The following PPP2R2B variants were observed in gnomAD, a reference collection of about 807,000 sequenced individuals.
PPP2R2B encodes the protein protein phosphatase 2 regulatory subunit Bbeta, also known as serine/threonine-protein phosphatase 2A 55 kDa regulatory subunit B beta isoform.
In PPP2R2B, 5 loss-of-function variants were observed where a neutral mutation model predicts 46.0. The ratio of observed to expected loss-of-function variants is 0.11; its 90% CI spans 0.06 to 0.23. PPP2R2B has a LOEUF of 0.23. Among genes scored for constraint, PPP2R2B ranks in the 10% least tolerant of loss-of-function variants. The pLI is 1.00. For missense variants in PPP2R2B, 367 were observed against 575.0 expected (o/e 0.64, Z 3.70); for synonymous variants, 215 against 206.7 (o/e 1.04, Z -0.34).
chr5:146,987,277 AAAGACACATGTGCAAC>A (rs1054836073), intron 1 of PPP2R2B, among the ~76,000 whole-genome samples: 7 of 152,166 alleles, frequency 4.6e-5, no homozygotes, highest in South Asian at 2.1e-4. Flanking sequence ...TCTGAAGGAA[AAAGACACATGTGCAAC>A]AAGACACATG....
rs7700545 is a variant in PPP2R2B at position 146,859,806 on chromosome 5, G to A, written c.70+18196C>T. On this transcript the variant is annotated intron_variant, in intron 2 of 9. Coordinates refer to ENST00000394411, the MANE Select transcript of PPP2R2B (RefSeq NM_181675.4). ...TTTGGGTTTCTATTCAAATTTCAAG[G>A]TGCCAAGTCTCTTGCTTGTCTACAT... 1.2e-3 allele frequency among the ~76,000 whole-genome samples: 181 copies of A among 152,216 alleles called. 1 individual carries two copies. Among genetic ancestry groups the A allele is most frequent in the African/African-American group, 4.3e-3 (177 of 41,504 alleles).
intron 2 of PPP2R2B, among the ~76,000 whole-genome samples, chr5:146,709,986 G>A (rs1286841564): frequency 6.6e-6 from 1 of 152,118 alleles, no homozygotes; most frequent in Non-Finnish European, 1.5e-5. Flanking sequence ...CAACATATTT[G>A]CACAAACTCT....
chr5:146,881,438 A>G (rs2151422629), upstream of PPP2R2B, among the ~76,000 whole-genome samples: 1 of 151,808 alleles, frequency 6.6e-6, no homozygotes, highest in Admixed American at 6.6e-5. Context: ...TTTCTGAGCC[A>G]GAGTCTCTCT....
chr5:146,834,728 G>C (rs746704319), intron 2 of PPP2R2B, among the ~76,000 whole-genome samples: 1 of 148,366 alleles, frequency 6.7e-6, no homozygotes, highest in Non-Finnish European at 1.5e-5. Flanking sequence ...CACCCAAGTA[G>C]TGAGGATAGT....
rs191003465 is a variant in PPP2R2B, at chr5:146,769,816, T to C, written c.71-68674A>G. On this transcript the variant is annotated intron_variant, in intron 2 of 9. Coordinates refer to ENST00000394411, the MANE Select transcript of PPP2R2B (RefSeq NM_181675.4). ...GACAAGTGAGATAAAAACAGGTAAA[T>C]ACACAATTATTTTATTCTGATAAGT... 3.6e-3 allele frequency among the ~76,000 whole-genome samples: 544 copies of C among 152,264 alleles called. 8 individuals carry two copies. Among genetic ancestry groups the C allele is most frequent in the African/African-American group, 0.012 (484 of 41,548 alleles).
chr5:147,001,259 C>G (rs987546689), intron 1 of PPP2R2B, among the ~76,000 whole-genome samples: 3 of 152,190 alleles, frequency 2.0e-5, no homozygotes, highest in Non-Finnish European at 2.9e-5. Flanking sequence ...TGTTCTTTCG[C>G]TCTTCACAAT....
chr5:146,711,214 A>G (rs1267122539), intron 2 of PPP2R2B, among the ~76,000 whole-genome samples: 1 of 151,032 alleles, frequency 6.6e-6, no homozygotes, highest in African/African-American at 2.4e-5. Flanking sequence ...CTCTTAGTAT[A>G]TAACAGATGC....
At chr5:146,952,455 G>T (rs1195848608) in intron 1 of PPP2R2B, among the ~76,000 whole-genome samples, 3 of 152,112 alleles carry the variant, frequency 2.0e-5, no homozygotes, top group Non-Finnish European at 4.4e-5. Flanking sequence ...CAAGACTTTG[G>T]GTATTGAGCT....
intron 2 of PPP2R2B, among the ~76,000 whole-genome samples, chr5:146,704,411 C>T (rs73320038): frequency 0.036 from 5,483 of 152,280 alleles, 330 homozygotes; most frequent in African/African-American, 0.12. Flanking sequence ...ACATGGCTTT[C>T]ACCTTTAAAT....
intron 2 of PPP2R2B, among the ~76,000 whole-genome samples, chr5:146,810,818 C>T (rs1757491052): frequency 6.6e-6 from 1 of 151,756 alleles, no homozygotes; most frequent in Admixed American, 6.6e-5. Context: ...TGGTGTGCTG[C>T]ACCCATTAAC....
intron 1 of PPP2R2B, among the ~76,000 whole-genome samples, chr5:147,045,067 TG>T (rs1756486147): frequency 1.3e-5 from 2 of 152,184 alleles, no homozygotes. Context: ...CAGGTGTCCA[TG>T]TTTATAAAGC....
chr5:146,628,492 C>T (rs769563632), intron 7 of PPP2R2B, among the ~76,000 whole-genome samples: 2 of 152,220 alleles, frequency 1.3e-5, no homozygotes, highest in Non-Finnish European at 2.9e-5. Context: ...CCCATCGCTA[C>T]TGCTGAGGTG....
chr5:146,693,652 C>T (rs1374458567), intron 4 of PPP2R2B, among the ~76,000 whole-genome samples: 2 of 152,190 alleles, frequency 1.3e-5, no homozygotes, highest in East Asian at 3.8e-4. Flanking sequence ...TTCAATCTTA[C>T]AAAGAAAGAT....
At chr5:147,068,861 A>G (rs1265890996) in intron 2 of PPP2R2B, among the ~76,000 whole-genome samples, 1 of 151,092 alleles carries the variant, frequency 6.6e-6, no homozygotes, top group Non-Finnish European at 1.5e-5. Context: ...TATTTGATTA[A>G]TGGTGTAGAG....
At chr5:147,007,933 A>T (rs1324677844) in intron 1 of PPP2R2B, among the ~76,000 whole-genome samples, 1 of 152,230 alleles carries the variant, frequency 6.6e-6, no homozygotes, top group Non-Finnish European at 1.5e-5. Context: ...GAGACCAAGA[A>T]TCCACTGGAA....
chr5:146,667,375 G>C (rs1219197685), intron 5 of PPP2R2B, among the ~76,000 whole-genome samples: 1 of 147,470 alleles, frequency 6.8e-6, no homozygotes, highest in Non-Finnish European at 1.5e-5. Flanking sequence ...CACACACAAA[G>C]GAGATAAAAA....
chr5:147,063,197 T>C (rs1314938854), intron 2 of PPP2R2B, among the ~76,000 whole-genome samples: 1 of 151,962 alleles, frequency 6.6e-6, no homozygotes, highest in Non-Finnish European at 1.5e-5. Flanking sequence ...AAATGGAACA[T>C]TGGGACAGAA....
At chr5:146,923,583 C>T (rs532208926) in intron 1 of PPP2R2B, among the ~76,000 whole-genome samples, 4 of 152,268 alleles carry the variant, frequency 2.6e-5, no homozygotes, top group East Asian at 1.9e-4. Flanking sequence ...TTGGGTTTCA[C>T]AAATACTAAA....
At chr5:146,637,765 C>T (rs2151078019) in intron 7 of PPP2R2B, among the ~76,000 whole-genome samples, 1 of 152,316 alleles carries the variant, frequency 6.6e-6, no homozygotes, top group East Asian at 1.9e-4. Flanking sequence ...ATGTTCTCAG[C>T]CTCCCATGCA....
Sources: allele counts gnomAD v4.1 joint callset (sites outside exome capture counted in the v4.1 genomes callset), GRCh38; gene constraint gnomAD v4.1.1; transcripts MANE v1.5; gene names NCBI Gene and HGNC (gene_info 2026-07-23, HGNC 2026-07-21).